The following TRHDE variants were observed in gnomAD, a reference collection of about 807,000 sequenced individuals.
TRHDE encodes the protein thyrotropin-releasing hormone-degrading ectoenzyme.
A neutral mutation model predicts 125.7 loss-of-function variants in TRHDE; 72 were observed. The observed-to-expected ratio is 0.57, with a 90% CI of 0.47 to 0.70. The LOEUF is 0.70. Among genes scored for constraint, TRHDE ranks in the 30% least tolerant of loss-of-function variants. TRHDE has a pLI of 0.00. For missense variants in TRHDE, 1,110 were observed against 1,327.1 expected (o/e 0.84, Z 2.54); for synonymous variants, 509 against 509.1 (o/e 1.00, Z 0.00).
At chr12:72,114,022 C>T (rs1875384055) in intron 2 of TRHDE, among the ~76,000 whole-genome samples, 1 of 151,862 alleles carries the variant, frequency 6.6e-6, no homozygotes, top group African/African-American at 2.4e-5. Flanking sequence ...TTCATTGGTT[C>T]TGTCAGTCTT....
chr12:72,285,968 A>G (rs1879872191), intron 1 of TRHDE, among the ~76,000 whole-genome samples: 1 of 152,214 alleles, frequency 6.6e-6, no homozygotes, highest in African/African-American at 2.4e-5. Flanking sequence ...AAGGTTGAAG[A>G]TGTGAATTAG....
chr12:72,157,237 G>T (rs561421926), intron 2 of TRHDE, among the ~76,000 whole-genome samples: 1 of 152,152 alleles, frequency 6.6e-6, no homozygotes, highest in East Asian at 1.9e-4. Context: ...TGTGAAGACA[G>T]TGATAGAAGA....
intron 10 of TRHDE, among the ~76,000 whole-genome samples, chr12:72,572,249 T>C (rs969511805): frequency 6.6e-6 from 1 of 152,182 alleles, no homozygotes; most frequent in African/African-American, 2.4e-5. Context: ...CGGCAAATAT[T>C]GCATAGAGAT....
chr12:72,299,792 C>T (rs1317060432), intron 2 of TRHDE, among the ~76,000 whole-genome samples: 1 of 151,958 alleles, frequency 6.6e-6, no homozygotes, highest in Non-Finnish European at 1.5e-5. Context: ...GACAATAAGA[C>T]AAGATAAACA....
At position 72,652,474 on chromosome 12, in the gene TRHDE, G is replaced by A. The variant is rs779190167; in HGVS notation, c.2828G>A (p.Arg943Lys). The A allele has an allele frequency of 1.2e-6, 2 of 1,605,300 alleles. No individual in the cohort carries two copies. Among genetic ancestry groups the A allele is most frequent in the African/African-American group, 1.3e-5 (1 of 74,484 alleles). Residue 943 changes from arginine to lysine, a missense_variant, in exon 16 of 19, where the codon AGG (arginine) becomes AAG (lysine). Physicochemically the swap from Arg to Lys is conservative, Grantham distance 26 (BLOSUM62 2). Transcript: ENST00000261180. ...GAAGCCTTAACTTGCAGTGATGACA[G>A]GAATTTATTAAACAGGTAGGCCGAC... is the stretch of plus-strand genomic sequence containing the variant. ...LLEALTCSDDRNLLNRLLNLS... is the reference protein window; with the variant it reads ...LLEALTCSDDKNLLNRLLNLS...
chr12:72,591,829 T>C (rs1227608324), intron 12 of TRHDE, among the ~76,000 whole-genome samples: 1 of 151,926 alleles, frequency 6.6e-6, no homozygotes, highest in Non-Finnish European at 1.5e-5. Flanking sequence ...TCTTCTGGCC[T>C]CGATAGTTTC....
intron 2 of TRHDE, among the ~76,000 whole-genome samples, chr12:72,194,056 T>A (rs1222173761): frequency 1.3e-5 from 2 of 152,100 alleles, no homozygotes; most frequent in Non-Finnish European, 2.9e-5. Context: ...TAAAATAAGG[T>A]TAAATAATTT....
intron 2 of TRHDE, among the ~76,000 whole-genome samples, chr12:72,154,302 G>A (rs1343651634): frequency 1.3e-5 from 2 of 152,152 alleles, no homozygotes; most frequent in Non-Finnish European, 2.9e-5. Context: ...CTGCACATGA[G>A]ATGGGTTTCC....
At chr12:72,475,654 A>C (rs892514105) in intron 5 of TRHDE, among the ~76,000 whole-genome samples, 1 of 152,226 alleles carries the variant, frequency 6.6e-6, no homozygotes, top group South Asian at 2.1e-4. Context: ...AGTGTAAATA[A>C]GACAACTGAG....
intron 2 of TRHDE, among the ~76,000 whole-genome samples, chr12:72,261,379 G>T (rs1018069817): frequency 2.0e-5 from 3 of 152,152 alleles, no homozygotes; most frequent in Non-Finnish European, 4.4e-5. Flanking sequence ...TACAAAACCA[G>T]GCAGTCATAA....
intron 1 of TRHDE, among the ~76,000 whole-genome samples, chr12:72,099,674 A>G (rs1875022487): frequency 6.6e-6 from 1 of 152,212 alleles, no homozygotes; most frequent in African/African-American, 2.4e-5. Context: ...ATACAGACTC[A>G]GACTCTGTTT....
At chr12:72,481,166 G>T (rs1307394242) in intron 5 of TRHDE, among the ~76,000 whole-genome samples, 1 of 151,910 alleles carries the variant, frequency 6.6e-6, no homozygotes, top group Non-Finnish European at 1.5e-5. Context: ...AAAGACATTA[G>T]AACACAACTC....
At chr12:72,661,927 G>C (rs549652750) in intron 18 of TRHDE, among the ~76,000 whole-genome samples, 17 of 152,120 alleles carry the variant, frequency 1.1e-4, no homozygotes, top group Non-Finnish European at 2.1e-4. Flanking sequence ...GCTGGGCAAA[G>C]GGCTTTGTAG....
chr12:72,184,640 GT>G (rs890486507), intron 2 of TRHDE, among the ~76,000 whole-genome samples: 1 of 151,736 alleles, frequency 6.6e-6, no homozygotes, highest in Non-Finnish European at 1.5e-5. Flanking sequence ...CCTGTTCCCT[GT>G]TTTTTTCCCT....
intron 18 of TRHDE, 33 bp from the exon 19 acceptor site, chr12:72,663,019 G>A (rs774597684): frequency 6.3e-7 from 1 of 1,580,068 alleles, no homozygotes; most frequent in Admixed American, 1.8e-5. Flanking sequence ...TTTAAGACAG[G>A]CAGATTTACC....
At chr12:72,644,258 G>A (rs115477566) in intron 15 of TRHDE, among the ~76,000 whole-genome samples, 1,568 of 152,148 alleles carry the variant, frequency 0.01, 29 homozygotes, top group African/African-American at 0.036. Flanking sequence ...ATCAGAAAGA[G>A]AATTCCTCCT....
At chr12:72,230,672 C>T (rs1034009378) in intron 2 of TRHDE, among the ~76,000 whole-genome samples, 1 of 151,958 alleles carries the variant, frequency 6.6e-6, no homozygotes, top group Admixed American at 6.6e-5. Flanking sequence ...TAAGCTTTTC[C>T]CAGAGTGGCT....
intron 2 of TRHDE, among the ~76,000 whole-genome samples, chr12:72,167,838 G>C (rs1876786394): frequency 6.6e-6 from 1 of 152,158 alleles, no homozygotes; most frequent in South Asian, 2.1e-4. Flanking sequence ...TTTGTTTCTT[G>C]CTGCTGAAAT....
chr12:72,142,392 A>G (rs1455657775), intron 2 of TRHDE, among the ~76,000 whole-genome samples: 1 of 151,964 alleles, frequency 6.6e-6, no homozygotes, highest in African/African-American at 2.4e-5. Context: ...TATGCCTCTC[A>G]GTTGAATACC....
Sources: allele counts gnomAD v4.1 joint callset (sites outside exome capture counted in the v4.1 genomes callset), GRCh38; gene constraint gnomAD v4.1.1; transcripts MANE v1.5; gene names NCBI Gene and HGNC (gene_info 2026-07-23, HGNC 2026-07-21).